SCNN1A: variants seen among roughly 807,000 people sequenced by gnomAD.
SCNN1A encodes the protein sodium channel epithelial 1 subunit alpha.
SCNN1A carries 65 observed loss-of-function variants against 68.6 expected under a neutral mutation model. The observed-to-expected ratio is 0.95, with a 90% CI of 0.78 to 1.16. SCNN1A has a LOEUF of 1.16. SCNN1A is among the 50% of genes most tolerant of loss of function. The pLI is 0.00. For missense variants in SCNN1A, 880 were observed against 865.9 expected, an observed-to-expected ratio of 1.02 and a Z score of -0.20; for synonymous variants, 357 against 353.3, an observed-to-expected ratio of 1.01 and a Z score of -0.12.
chr12:6,359,404 TAC>T (rs1177296603), intron 4 of SCNN1A, among the ~76,000 whole-genome samples: 4 of 152,166 alleles, frequency 2.6e-5, no homozygotes, highest in African/African-American at 9.7e-5. Flanking sequence ...AACAGGAGGA[TAC>T]AGTTTGGATG....
At chr12:6,352,437 C>T (rs1948403916) in intron 8 of SCNN1A, among the ~76,000 whole-genome samples, 2 of 152,170 alleles carry the variant, frequency 1.3e-5, no homozygotes, top group South Asian at 4.1e-4. Context: ...GGGAAGTAAG[C>T]CCTAGGAAAT....
intron 2 of SCNN1A, among the ~76,000 whole-genome samples, chr12:6,371,147 G>A (rs892179865): frequency 1.3e-4 from 20 of 152,022 alleles, no homozygotes; most frequent in East Asian, 5.8e-4. Flanking sequence ...TGCTGGTGGC[G>A]ACCCTCAGCA....
chr12:6,374,544 G>A lies in SCNN1A; in HGVS notation c.240C>T (p.Asn80=). The A allele has an allele frequency of 6.2e-7, 1 of 1,614,224 alleles. No individual in the cohort carries two copies. The highest frequency in any genetic ancestry group is 8.5e-7 in the Non-Finnish European group (1 of 1,180,042). Residue 80 remains asparagine, a synonymous_variant, in exon 2 of 13, where the codon AAC becomes AAT. Coordinates refer to ENST00000228916, the MANE Select transcript of SCNN1A (RefSeq NM_001038.6). The surrounding 1 kb of genome is among the most constrained non-coding windows in gnomAD (Gnocchi z 6.2). ...CTGCCCAGAAGGCCGTCTTCATGCG[G>A]TTGTGCTGGGAGCACACCAGGCGGA... ...GAIRLVCSQH[N]RMKTAFWAVL...
At chr12:6,368,001 T>G (rs185606647) in intron 2 of SCNN1A, among the ~76,000 whole-genome samples, 154 of 152,332 alleles carry the variant, frequency 1.0e-3, no homozygotes, top group African/African-American at 3.6e-3. Context: ...TAGCTCTGGT[T>G]GAAGGTGTGT....
At chr12:6,370,217 G>A (rs1397267311) in intron 2 of SCNN1A, among the ~76,000 whole-genome samples, 1 of 152,174 alleles carries the variant, frequency 6.6e-6, no homozygotes, top group African/African-American at 2.4e-5. Flanking sequence ...TATCAACTAG[G>A]CAAATTCCCC....
chr12:6,376,378 G>C (rs1948909658), upstream of SCNN1A, among the ~76,000 whole-genome samples: 3 of 152,356 alleles, frequency 2.0e-5, no homozygotes, highest in South Asian at 4.1e-4. Context: ...AATCGCCCCT[G>C]CTGTGGTCAC....
At chr12:6,376,169 C>T, upstream of SCNN1A, 3 of 985,854 alleles carry the variant, frequency 3.0e-6, no homozygotes, top group Non-Finnish European at 3.6e-6. Flanking sequence ...GGTCTCCTCC[C>T]CGCTCACTAA....
At chr12:6,355,146 C>T (rs985470532) in intron 6 of SCNN1A, 126 bp downstream of exon 6, 18 of 1,089,058 alleles carry the variant, frequency 1.7e-5, no homozygotes, top group Non-Finnish European at 2.5e-5. Context: ...CTCATTCCTG[C>T]TCCTGAAGAC....
intron 1 of SCNN1A, chr12:6,375,221 GT>G (rs1466462318): frequency 1.1e-5 from 16 of 1,441,552 alleles, no homozygotes; most frequent in Non-Finnish European, 9.1e-7. Context: ...TCTGCCTTCT[GT>G]TTCTCTTTGG....
intron 6 of SCNN1A, 143 bp from the exon 7 acceptor site, chr12:6,354,991 C>A (rs1441889013): frequency 2.5e-6 from 2 of 784,450 alleles, no homozygotes; most frequent in East Asian, 2.6e-5. Flanking sequence ...TCCAGCCACC[C>A]CCATGCCCAC....
In SCNN1A at chr12:6,369,975, A is replaced by T. The variant is rs1378935066; in HGVS notation, c.416+4393T>A. 3.3e-5 allele frequency among the ~76,000 whole-genome samples: 5 copies of T among 152,312 alleles called. No individual in the cohort carries two copies. The South Asian group carries it at 1.0e-3, about 32-fold the overall frequency. ...ACAGAAAGCACATTGAAGACATCCG[A>T]TCTTGTTTTGAGGAGACCAGCGGCT... On this transcript the variant is annotated intron_variant, in intron 2 of 12. Coordinates refer to ENST00000228916, the MANE Select transcript of SCNN1A (RefSeq NM_001038.6).
chr12:6,351,433 C>T lies in SCNN1A; in HGVS notation c.1361-2028G>A, dbSNP rs987681632. On this transcript the variant is annotated intron_variant, in intron 8 of 12. Coordinates refer to ENST00000228916, the MANE Select transcript of SCNN1A (RefSeq NM_001038.6). The surrounding 1 kb of genome is among the most constrained non-coding windows in gnomAD (Gnocchi z 4.2). ...GGTCAGGAGTTTGAGACCAGCCTGA[C>T]CAATATGGTGAAACCCCATCTCTAC... is the stretch of plus-strand genomic sequence containing the variant. Among the ~76,000 whole-genome samples the T allele has an allele frequency of 6.6e-6, 1 of 152,052 alleles. No individual in the cohort carries two copies. Among genetic ancestry groups the T allele is most frequent in the Non-Finnish European group, 1.5e-5 (1 of 68,028 alleles).
chr12:6,367,336 AAAG>A (rs1368891051), intron 2 of SCNN1A, among the ~76,000 whole-genome samples: 1 of 152,238 alleles, frequency 6.6e-6, no homozygotes, highest in East Asian at 1.9e-4. Context: ...TTAATTGTTA[AAAG>A]AAGAACGTTA....
rs1174675016 is a variant in SCNN1A, at chr12:6,348,724, T to C, written c.1629+3A>G. 3 of 1,612,382 alleles carry C rather than the reference T, an allele frequency of 1.9e-6. No individual in the cohort carries two copies. Among genetic ancestry groups the C allele is most frequent in the Admixed American group, 3.3e-5 (2 of 59,922 alleles). ...TCACAGGCTCCATCCAGGCACGACC[T>C]ACCGTGACAGAGGGAGACTCAGAAT... is the stretch of plus-strand genomic sequence containing the variant. On this transcript the variant is annotated splice_donor_region_variant and intron_variant, in intron 12 of 12. Transcript: ENST00000228916.
chr12:6,348,007 A>G lies in SCNN1A; in HGVS notation c.1876T>C (p.Leu626=), dbSNP rs1229813697. The change falls in exon 13 of 13, where the codon TTG becomes CTG. Residue 626 remains leucine, a synonymous_variant. Transcript: ENST00000228916. ...HFCPHPMSLS[L]SQPGPAPSPA... ...GAGGGAGCAGGGCCTGGCTGGGACA[A>G]GGACAGAGACATGGGGTGGGGGCAG... 2 of 1,588,954 alleles carry G rather than the reference A, an allele frequency of 1.3e-6. No homozygotes were observed. Among genetic ancestry groups the G allele is most frequent in the African/African-American group, 1.3e-5 (1 of 74,192 alleles).
At chr12:6,357,205 T>C (rs7972292) in intron 4 of SCNN1A, among the ~76,000 whole-genome samples, 34,501 of 151,886 alleles carry the variant, frequency 0.23, 8,495 homozygotes, top group African/African-American at 0.62. Flanking sequence ...TGGTGGGTGC[T>C]GCCCCCATGG....
chr12:6,355,511 C>T (rs969964543), intron 5 of SCNN1A, 76 bp from the exon 6 acceptor site: 2 of 1,521,194 alleles, frequency 1.3e-6, no homozygotes, highest in African/African-American at 2.8e-5. Context: ...ATCCACTCTC[C>T]CTTCCTTGCC....
Position 6,349,315 on chromosome 12 carries a change from G to A in SCNN1A, c.1439+12C>T, listed in dbSNP as rs1196831368. On this transcript the variant is annotated intron_variant, in intron 9 of 12. Coordinates refer to ENST00000228916, the MANE Select transcript of SCNN1A (RefSeq NM_001038.6). ...TTCTACCCAACCTGTACCCGGGGAA[G>A]GGGACACTAACCTGCATGGCTTCCG... The A allele has an allele frequency of 3.1e-6, 5 of 1,613,644 alleles. No homozygotes were observed. Among genetic ancestry groups the A allele is most frequent in the Non-Finnish European group, 4.2e-6 (5 of 1,179,796 alleles).
In SCNN1A at chr12:6,375,395, G is replaced by A; in HGVS notation, c.-55+110C>T. ...TTCTGTCTCTGCCCCAGGACTGCAG[G>A]GCTCCAGGAGGTCTGGGCTGCCTCC... On this transcript the variant is annotated intron_variant, in intron 1 of 12. Transcript: ENST00000228916. 1.3e-6 allele frequency: 2 copies of A among 1,492,698 alleles called. 1 individual carries two copies. The allele number at this position is 1,492,698 out of a possible 1,614,324, so 92.5% of individuals were successfully genotyped here.
Sources: gnomAD v4.1 joint callset for allele counts (sites outside exome capture counted in the v4.1 genomes callset) on GRCh38, gnomAD v4.1.1 for gene constraint, Gnocchi (gnomAD v3.1) non-coding constraint, MANE v1.5 for transcripts, NCBI Gene and HGNC (gene_info 2026-07-23, HGNC 2026-07-21) for gene names.